TG: variants seen among roughly 807,000 people sequenced by gnomAD.
The protein encoded by TG is thyroid hormones.
A neutral mutation model predicts 324.7 loss-of-function variants in TG; 270 were observed. The ratio of observed to expected loss-of-function variants is 0.83; its 90% CI spans 0.75 to 0.92. The LOEUF (loss-of-function observed/expected upper bound fraction) is 0.92. Among genes scored for constraint, TG ranks in the 40% least tolerant of loss-of-function variants. TG has a pLI of 0.00. For missense variants in TG, 3,591 were observed against 3,456.4 expected (o/e 1.04, Z -0.98); for synonymous variants, 1,401 against 1,327.0 (o/e 1.06, Z -1.21).
chr8:133,109,281 C>G (rs749572269), intron 43 of TG, among the ~76,000 whole-genome samples: 6 of 152,214 alleles, frequency 3.9e-5, no homozygotes, highest in African/African-American at 7.2e-5. Context: ...GGGCTCCACT[C>G]TGGACCTGCT....
At chr8:132,900,590 G>A (rs1265810581) in intron 15 of TG, among the ~76,000 whole-genome samples, 1 of 152,250 alleles carries the variant, frequency 6.6e-6, no homozygotes, top group Non-Finnish European at 1.5e-5. Context: ...GTGCAAACCA[G>A]CATTGATCCC....
rs566915975 is a variant in TG, at chr8:133,084,864, A to G, written c.7240-10180A>G. Reference sequence around the variant, plus strand: ...CCTGTCAAAGATGTCTGCAGAAGGCAGGTTGAGTGCAGATTCTGTTTGGCA... The same window carrying G: ...CCTGTCAAAGATGTCTGCAGAAGGCGGGTTGAGTGCAGATTCTGTTTGGCA... On this transcript the variant is annotated intron_variant, in intron 41 of 47. Transcript: ENST00000220616. Among the ~76,000 whole-genome samples, 42 of 152,358 alleles carry G rather than the reference A, an allele frequency of 2.8e-4. No homozygotes were observed. In the South Asian group the frequency reaches 8.3e-3, roughly 30 times the overall value.
intron 5 of TG, among the ~76,000 whole-genome samples, chr8:132,875,383 CTTATAA>C (rs1458687698): frequency 6.6e-6 from 1 of 152,210 alleles, no homozygotes; most frequent in African/African-American, 2.4e-5. Flanking sequence ...TACCTTAATA[CTTATAA>C]TTAGATAATT....
intron 41 of TG, chr8:133,094,646 G>C: frequency 9.9e-6 from 3 of 303,606 alleles, no homozygotes; most frequent in Non-Finnish European, 1.9e-5. Context: ...TAGTTAAGGA[G>C]CCCCCCAGGA....
chr8:132,908,190 C>G lies in TG; in HGVS notation c.3852C>G (p.Pro1284=), dbSNP rs775612101. The change falls in exon 18 of 48, where the codon CCC becomes CCG. Residue 1284 remains proline (P), a synonymous_variant. Transcript: ENST00000220616. ...ATCTCTGGTGCTTGCCTGCAGGGCC[C>G]CAGCTGTGGCAGACCATCCAGACCC... ...QLPQPRACQR[P]QLWQTIQTQG... is the part of the protein sequence containing the mutation. 3 of 1,613,828 alleles carry G rather than the reference C, an allele frequency of 1.9e-6. No homozygotes were observed. The highest frequency in any genetic ancestry group is 3.3e-5 in the Admixed American group (2 of 59,994).
At position 132,906,724 on chromosome 8, in the gene TG, TG is replaced by T; in HGVS notation, c.3673del (p.Val1225LeufsTer38). ...CCGCTGCCATTCAACGCGTCGGAGG[TG>T]GTTGGTGGAACAATCCTGTGTGAGA... ...RCPLPFNASE[V>X]VGGTILCETI... On this transcript the variant is annotated frameshift_variant, in exon 17 of 48. Coordinates refer to ENST00000220616, the MANE Select transcript of TG (RefSeq NM_003235.5). LOFTEE classifies it high-confidence loss of function. 6.2e-7 allele frequency: 1 copy of T among 1,614,062 alleles called. No homozygotes were observed. Among genetic ancestry groups the T allele is most frequent in the East Asian group, 2.2e-5 (1 of 44,850 alleles).
At chr8:132,908,071 T>G (rs907730407) in intron 17 of TG, 115 bp from the exon 18 acceptor site, 18 of 1,192,512 alleles carry the variant, frequency 1.5e-5, no homozygotes, top group Middle Eastern at 2.2e-4. Flanking sequence ...AAAATGGCAG[T>G]GCTTATGTGT....
chr8:132,873,045 T>C lies in TG; in HGVS notation c.479-17T>C. 2 of 1,614,070 alleles carry C rather than the reference T, an allele frequency of 1.2e-6. No individual in the cohort carries two copies. The highest frequency in any genetic ancestry group is 1.7e-6 in the Non-Finnish European group (2 of 1,179,994). Reference sequence around the variant, plus strand: ...TCTACTCATATATAAGGATTTTTTTTTCGTGAAAATGTTTAGGTCCAAGGA... The same window carrying C: ...TCTACTCATATATAAGGATTTTTTTCTCGTGAAAATGTTTAGGTCCAAGGA... On this transcript the variant is annotated splice_polypyrimidine_tract_variant and intron_variant, in intron 4 of 47. Transcript: ENST00000220616.
intron 45 of TG, among the ~76,000 whole-genome samples, chr8:133,128,337 G>GCGCA (rs1491579989): frequency 2.2e-5 from 3 of 133,728 alleles, no homozygotes; most frequent in Non-Finnish European, 3.2e-5. Flanking sequence ...CAAAAGGCGT[G>GCGCA]CACACACACA....
At chr8:132,874,836 TCACTGGTGG>T (rs1839814728) in intron 5 of TG, among the ~76,000 whole-genome samples, 1 of 152,238 alleles carries the variant, frequency 6.6e-6, no homozygotes, top group Non-Finnish European at 1.5e-5. Flanking sequence ...ACGCACGCAC[TCACTGGTGG>T]CATCAAGACA....
In TG at chr8:133,116,618, T is replaced by C. The variant is rs1384326983; in HGVS notation, c.7764T>C (p.Phe2588=). 1.2e-6 allele frequency: 2 copies of C among 1,614,028 alleles called. No individual in the cohort carries two copies. Among genetic ancestry groups the C allele is most frequent in the Non-Finnish European group, 1.7e-6 (2 of 1,179,938 alleles). The part of the protein sequence containing the change: ...RALENATRDY[F]IICPIIDMAS... ...GTTCTCTTTTCACCAGGGACTACTT[T>C]ATCATCTGCCCTATAATCGACATGG... Residue 2588 remains phenylalanine (F), a synonymous_variant, in exon 45 of 48, where the codon TTT becomes TTC. Coordinates refer to ENST00000220616, the MANE Select transcript of TG (RefSeq NM_003235.5).
intron 10 of TG, among the ~76,000 whole-genome samples, chr8:132,890,373 CT>C (rs1441703108): frequency 4.6e-5 from 7 of 151,962 alleles, no homozygotes; most frequent in African/African-American, 1.7e-4. Flanking sequence ...TATTCAAACT[CT>C]TTTGTTGATA....
chr8:132,867,233 C>T lies in TG; in HGVS notation c.67+166C>T, dbSNP rs560764791. Among the ~76,000 whole-genome samples, 14 of 152,022 alleles carry T rather than the reference C, an allele frequency of 9.2e-5. No individual in the cohort carries two copies. The South Asian group carries it at 1.0e-3, about 11-fold the overall frequency. ...AGATGAAGAGGCAGATTTAGAGAGCCGAACTGAATTACTTGAGGTCACAGA... is the reference window on the plus strand; with the variant it reads ...AGATGAAGAGGCAGATTTAGAGAGCTGAACTGAATTACTTGAGGTCACAGA... On this transcript the variant is annotated intron_variant, in intron 1 of 47. Transcript: ENST00000220616.
At chr8:133,068,945 C>T (rs1435779019) in intron 41 of TG, among the ~76,000 whole-genome samples, 1 of 152,254 alleles carries the variant, frequency 6.6e-6, no homozygotes, top group Non-Finnish European at 1.5e-5. Flanking sequence ...TAGGCCAGGT[C>T]CTGGATACCT....
At chr8:133,128,578 A>G (rs1157047666) in intron 45 of TG, among the ~76,000 whole-genome samples, 1 of 152,140 alleles carries the variant, frequency 6.6e-6, no homozygotes, top group Non-Finnish European at 1.5e-5. Flanking sequence ...CATTTTACTG[A>G]CAGGAAAACC....
intron 20 of TG, among the ~76,000 whole-genome samples, chr8:132,914,785 A>G (rs1044161288): frequency 3.9e-5 from 6 of 152,192 alleles, no homozygotes; most frequent in Non-Finnish European, 7.3e-5. Flanking sequence ...CCAAGGGGAC[A>G]AGAAACAGAA....
chr8:133,062,481 C>G (rs142142124), intron 41 of TG, among the ~76,000 whole-genome samples: 1 of 152,260 alleles, frequency 6.6e-6, no homozygotes, highest in Non-Finnish European at 1.5e-5. Context: ...TCCCCGGTGC[C>G]GGGCCCTGGG....
At chr8:133,083,054 G>A (rs576870750) in intron 41 of TG, among the ~76,000 whole-genome samples, 79 of 152,270 alleles carry the variant, frequency 5.2e-4, no homozygotes, top group African/African-American at 1.7e-3. Flanking sequence ...GAGTAGGCAG[G>A]CCTAGTTGCT....
chr8:132,919,304 C>A, intron 20 of TG, 72 bp from the exon 21 acceptor site: 1 of 1,509,540 alleles, frequency 6.6e-7, no homozygotes, highest in South Asian at 1.2e-5. Context: ...TTTCTTTACC[C>A]TGTGTGTTCT....
Sources: gnomAD v4.1 joint callset for allele counts (sites outside exome capture counted in the v4.1 genomes callset) on GRCh38, gnomAD v4.1.1 for gene constraint, MANE v1.5 for transcripts, NCBI Gene and HGNC (gene_info 2026-07-23, HGNC 2026-07-21) for gene names.